Variants in RANBP2 observed in about 807,000 individuals in gnomAD.
RANBP2 encodes the protein RAN binding protein 2.
Under a neutral mutation model 303.6 loss-of-function variants are expected in RANBP2, and 57 were observed. That is an observed-to-expected ratio of 0.19 (90% confidence interval 0.15 to 0.23). The LOEUF is 0.23. Among genes scored for constraint, RANBP2 ranks in the 10% least tolerant of loss-of-function variants. The pLI is 1.00. For missense variants in RANBP2, 3,138 were observed against 3,780.8 expected, an observed-to-expected ratio of 0.83 and a Z score of 4.46; for synonymous variants, 1,167 against 1,301.5, an observed-to-expected ratio of 0.90 and a Z score of 2.23.
the RANBP2 span, among the ~76,000 whole-genome samples, chr2:108,821,235 G>C: frequency 6.6e-6 from 1 of 152,026 alleles, no homozygotes; most frequent in African/African-American, 2.4e-5. Context: ...ATACGTGCCT[G>C]TAATCCCAGC....
chr2:108,824,935 T>C, the RANBP2 span, among the ~76,000 whole-genome samples: 3 of 152,222 alleles, frequency 2.0e-5, no homozygotes, highest in Admixed American at 2.0e-4. Flanking sequence ...AGTGCGTGAC[T>C]GTGTAAGATT....
the RANBP2 span, among the ~76,000 whole-genome samples, chr2:108,998,847 C>T: frequency 3.9e-5 from 6 of 152,144 alleles, no homozygotes; most frequent in African/African-American, 1.4e-4. Flanking sequence ...TGGCTCAGGC[C>T]CCCAGGTGGC....
chr2:109,311,491 A>G, the RANBP2 span, among the ~76,000 whole-genome samples: 5 of 149,886 alleles, frequency 3.3e-5, no homozygotes, highest in African/African-American at 1.2e-4. Flanking sequence ...AGTTCTGGCC[A>G]GGGCAATTAG....
rs200629657 is a variant in RANBP2, at chr2:108,753,004, G to A, written c.1762G>A (p.Gly588Ser). The change falls in exon 13 of 29, where the codon GGT becomes AGT. Residue 588 changes from glycine (G) to serine (S), a missense_variant. Coordinates refer to ENST00000283195, the MANE Select transcript of RANBP2 (RefSeq NM_006267.5). ...WAECLQKTGS[G>S]LNSFYDQREY... is the part of the protein sequence containing the mutation. ...TTTTAACTTTCTTTTTTAGGGCAGC[G>A]GTCTTAATTCTTTTTATGATCAACG... The A allele has an allele frequency of 5.9e-5, 95 of 1,607,998 alleles. No homozygotes were observed. Among genetic ancestry groups the A allele is most frequent in the Non-Finnish European group, 7.2e-5 (85 of 1,178,598 alleles).
chr2:108,901,128 G>T, the RANBP2 span, among the ~76,000 whole-genome samples: 1 of 152,102 alleles, frequency 6.6e-6, no homozygotes, highest in Non-Finnish European at 1.5e-5. Flanking sequence ...CAAATTAAAA[G>T]AATTGAAATT....
the RANBP2 span, among the ~76,000 whole-genome samples, chr2:109,283,729 TG>T: frequency 2.0e-5 from 3 of 152,228 alleles, no homozygotes; most frequent in African/African-American, 7.2e-5. Context: ...GCTAAATCGC[TG>T]GCCTGAGCCA....
At chr2:109,215,676 G>A in the RANBP2 span, among the ~76,000 whole-genome samples, 1 of 152,174 alleles carries the variant, frequency 6.6e-6, no homozygotes. Context: ...CTGAGAAGCT[G>A]CTGCTTCTGG....
chr2:109,450,051 A>T, the RANBP2 span, among the ~76,000 whole-genome samples: 1 of 152,198 alleles, frequency 6.6e-6, no homozygotes, highest in Middle Eastern at 3.2e-3. Flanking sequence ...CTGATTTCAT[A>T]AAAGAAAATC....
At chr2:109,501,703 G>C in the RANBP2 span, 34 of 728,360 alleles carry the variant, frequency 4.7e-5, no homozygotes, top group South Asian at 1.2e-4. Flanking sequence ...AGCTCACAGA[G>C]GGGGAGGCCG....
chr2:108,951,982 C>T, the RANBP2 span, among the ~76,000 whole-genome samples: 3 of 152,212 alleles, frequency 2.0e-5, 1 homozygote, highest in South Asian at 6.2e-4. Flanking sequence ...GACAAAAGAC[C>T]ATGCAGGCAG....
chr2:108,750,447 A>G (rs1280901969), intron 9 of RANBP2, among the ~76,000 whole-genome samples: 1 of 152,238 alleles, frequency 6.6e-6, no homozygotes, highest in African/African-American at 2.4e-5. Context: ...ATTTCCATAG[A>G]GATACCTAAA....
At chr2:109,294,050 T>G in the RANBP2 span, among the ~76,000 whole-genome samples, 1 of 152,194 alleles carries the variant, frequency 6.6e-6, no homozygotes, top group Non-Finnish European at 1.5e-5. Context: ...TTTCTCTGCC[T>G]GGAAAGTGAC....
chr2:109,480,060 G>A, the RANBP2 span, among the ~76,000 whole-genome samples: 1 of 152,210 alleles, frequency 6.6e-6, no homozygotes, highest in Non-Finnish European at 1.5e-5. Context: ...ATTGTCTAGA[G>A]GAAAGGACCC....
chr2:109,379,256 G>A, the RANBP2 span, among the ~76,000 whole-genome samples: 3 of 152,186 alleles, frequency 2.0e-5, no homozygotes, highest in Non-Finnish European at 4.4e-5. Context: ...TTGAAATAAG[G>A]GTCAGAGGTT....
the RANBP2 span, among the ~76,000 whole-genome samples, chr2:109,621,403 G>A: frequency 4.6e-5 from 7 of 151,802 alleles, no homozygotes; most frequent in African/African-American, 1.7e-4. Flanking sequence ...TGCCCACCTC[G>A]GCTTCCTAAA....
the RANBP2 span, among the ~76,000 whole-genome samples, chr2:109,552,358 A>C: frequency 2.6e-5 from 4 of 152,310 alleles, no homozygotes; most frequent in Middle Eastern, 0.014. Flanking sequence ...CAGGGCAAAC[A>C]ACCACCCCAG....
the RANBP2 span, among the ~76,000 whole-genome samples, chr2:109,038,915 C>T: frequency 6.6e-6 from 1 of 152,056 alleles, no homozygotes; most frequent in South Asian, 2.1e-4. Context: ...TGCATTTTTC[C>T]ATTATTAAAG....
chr2:109,639,928 C>T, the RANBP2 span, among the ~76,000 whole-genome samples: 1 of 151,064 alleles, frequency 6.6e-6, no homozygotes, highest in African/African-American at 2.4e-5. Flanking sequence ...TCAGGCTGGT[C>T]TCAAACTCCT....
In RANBP2 at chr2:108,755,156, T is replaced by C. The variant is rs1330633614; in HGVS notation, c.2383-20T>C. ...TCTAAGTGTTTTAAATGCTGTTTTG[T>C]TATTTTTATTTTTTTTTAGTATTCT... On this transcript the variant is annotated intron_variant, in intron 16 of 28. Coordinates refer to ENST00000283195, the MANE Select transcript of RANBP2 (RefSeq NM_006267.5). 1.4e-5 allele frequency: 23 copies of C among 1,611,560 alleles called. No homozygotes were observed. The highest frequency in any genetic ancestry group is 1.9e-5 in the Non-Finnish European group (22 of 1,179,732).
Sources: gnomAD v4.1 joint callset for allele counts (sites outside exome capture counted in the v4.1 genomes callset) on GRCh38, gnomAD v4.1.1 for gene constraint, MANE v1.5 for transcripts, NCBI Gene and HGNC (gene_info 2026-07-23, HGNC 2026-07-21) for gene names.